Variants in NLGN1 observed in about 807,000 individuals in gnomAD.
NLGN1 encodes the protein neuroligin-1.
Under a neutral mutation model 65.5 loss-of-function variants are expected in NLGN1, and 12 were observed. The ratio of observed to expected loss-of-function variants is 0.18; its 90% CI spans 0.12 to 0.30. The LOEUF is 0.30. NLGN1 is among the 10% of genes least tolerant of loss of function. NLGN1 has a pLI of 1.00. For synonymous variants in NLGN1, 350 were observed against 359.5 expected (o/e 0.97, Z 0.30); for missense variants, 750 against 1,007.1 (o/e 0.74, Z 3.46).
At chr3:174,277,773 A>G (rs1399665031) in intron 5 of NLGN1, among the ~76,000 whole-genome samples, 1 of 151,910 alleles carries the variant, frequency 6.6e-6, no homozygotes. Context: ...GTTAAGAAAA[A>G]TCTAAAACTT....
chr3:173,517,792 ATCTATCTATCATATCTATCTG>A (rs1022178976), intron 2 of NLGN1, among the ~76,000 whole-genome samples: 7 of 151,674 alleles, frequency 4.6e-5, no homozygotes, highest in African/African-American at 1.7e-4. Context: ...CTATCTATCT[ATCTATCTATCATATCTATCTG>A]TCATCTATCT....
chr3:173,413,836 A>G (rs943660720), intron 1 of NLGN1, among the ~76,000 whole-genome samples: 1 of 152,084 alleles, frequency 6.6e-6, no homozygotes, highest in Admixed American at 6.5e-5. Context: ...CCTATGGGCA[A>G]AAGGTTTCAA....
chr3:173,906,570 A>T (rs1738434821), intron 4 of NLGN1, among the ~76,000 whole-genome samples: 2 of 152,176 alleles, frequency 1.3e-5, no homozygotes, highest in Admixed American at 6.5e-5. Flanking sequence ...TAAAATTATT[A>T]CTATATTTTT....
chr3:174,031,733 G>A (rs1034129119), intron 4 of NLGN1, among the ~76,000 whole-genome samples: 1 of 152,030 alleles, frequency 6.6e-6, no homozygotes, highest in Non-Finnish European at 1.5e-5. Flanking sequence ...TAGAAATAGA[G>A]AATTGAGAAA....
At chr3:173,448,349 T>C (rs1320344387) in intron 2 of NLGN1, among the ~76,000 whole-genome samples, 1 of 152,254 alleles carries the variant, frequency 6.6e-6, no homozygotes, top group African/African-American at 2.4e-5. Context: ...GTTCTGTTTA[T>C]ATGCTGGATT....
At chr3:173,504,451 T>C (rs1253384708) in intron 2 of NLGN1, among the ~76,000 whole-genome samples, 1 of 152,116 alleles carries the variant, frequency 6.6e-6, no homozygotes, top group Non-Finnish European at 1.5e-5. Context: ...TCAACGTCAG[T>C]AATTCAAAAT....
intron 4 of NLGN1, among the ~76,000 whole-genome samples, chr3:174,265,781 A>ATATG (rs540243032): frequency 0.15 from 20,513 of 134,628 alleles, 1,921 homozygotes; most frequent in African/African-American, 0.27. Flanking sequence ...ATATATATAT[A>ATATG]TGTATATATA....
chr3:174,288,835 T>C (rs560503556), downstream of NLGN1, among the ~76,000 whole-genome samples: 4 of 151,572 alleles, frequency 2.6e-5, no homozygotes, highest in African/African-American at 9.6e-5. Context: ...TTGTTGGCCA[T>C]AGCATACTAG....
intron 2 of NLGN1, among the ~76,000 whole-genome samples, chr3:173,566,289 A>G (rs912445542): frequency 6.6e-6 from 1 of 152,194 alleles, no homozygotes; most frequent in Admixed American, 6.5e-5. Flanking sequence ...CTGCTTCTCT[A>G]GGTTTTAATC....
At chr3:173,850,886 T>C (rs751353674) in intron 4 of NLGN1, among the ~76,000 whole-genome samples, 11 of 151,768 alleles carry the variant, frequency 7.2e-5, no homozygotes, top group South Asian at 2.1e-4. Flanking sequence ...ACAGACATGA[T>C]ACCACATCTG....
intron 3 of NLGN1, among the ~76,000 whole-genome samples, chr3:173,700,086 C>T (rs963739867): frequency 1.3e-5 from 2 of 152,100 alleles, no homozygotes; most frequent in African/African-American, 2.4e-5. Flanking sequence ...GGATAAGATA[C>T]GGGCAATGGA....
intron 4 of NLGN1, among the ~76,000 whole-genome samples, chr3:173,827,286 G>A (rs560534730): frequency 2.6e-5 from 4 of 152,056 alleles, no homozygotes; most frequent in Non-Finnish European, 5.9e-5. Context: ...AGAGTCTGTA[G>A]GTTGAGGTAA....
At chr3:173,942,576 G>A (rs939379095) in intron 4 of NLGN1, among the ~76,000 whole-genome samples, 2 of 152,084 alleles carry the variant, frequency 1.3e-5, no homozygotes, top group African/African-American at 4.8e-5. Flanking sequence ...TAGTTTCAAC[G>A]TTTTCTTTTT....
intron 4 of NLGN1, among the ~76,000 whole-genome samples, chr3:174,256,465 G>T (rs1745777788): frequency 6.6e-6 from 1 of 152,030 alleles, no homozygotes; most frequent in African/African-American, 2.4e-5. Flanking sequence ...CATAATCTAT[G>T]AAATTTAAGC....
At chr3:173,711,772 GAA>G (rs1421932723) in intron 3 of NLGN1, among the ~76,000 whole-genome samples, 1 of 152,132 alleles carries the variant, frequency 6.6e-6, no homozygotes, top group Non-Finnish European at 1.5e-5. Flanking sequence ...GAGTCATCAT[GAA>G]ATAGCAGCCC....
intron 4 of NLGN1, among the ~76,000 whole-genome samples, chr3:173,885,408 CTCTTT>C (rs1174353697): frequency 6.6e-5 from 10 of 151,976 alleles, no homozygotes; most frequent in Admixed American, 6.6e-4. Flanking sequence ...TGAAAAGAAT[CTCTTT>C]TAAGTTATTT....
intron 4 of NLGN1, among the ~76,000 whole-genome samples, chr3:173,904,751 A>C (rs1738053885): frequency 6.6e-6 from 1 of 152,152 alleles, no homozygotes. Flanking sequence ...ATATGTTTGC[A>C]TTTATGATTC....
chr3:173,645,687 G>A (rs1415142238), intron 3 of NLGN1, among the ~76,000 whole-genome samples: 2 of 152,184 alleles, frequency 1.3e-5, no homozygotes, highest in African/African-American at 4.8e-5. Context: ...CAAACTAATT[G>A]AGCAATCTAG....
At chr3:174,206,486 A>G (rs937162253) in intron 4 of NLGN1, among the ~76,000 whole-genome samples, 1 of 152,028 alleles carries the variant, frequency 6.6e-6, no homozygotes, top group Non-Finnish European at 1.5e-5. Context: ...TTTGCTCAAG[A>G]CCTCTCATCC....
Sources: gnomAD v4.1 joint callset for allele counts (sites outside exome capture counted in the v4.1 genomes callset) on GRCh38, gnomAD v4.1.1 for gene constraint, MANE v1.5 for transcripts, NCBI Gene and HGNC (gene_info 2026-07-23, HGNC 2026-07-21) for gene names.